Variants in NAV3 observed in about 807,000 individuals in gnomAD.
The protein encoded by NAV3 is pore membrane and/or filament interacting like protein 1.
Under a neutral mutation model 244.7 loss-of-function variants are expected in NAV3, and 87 were observed. The ratio of observed to expected loss-of-function variants is 0.36; its 90% CI spans 0.30 to 0.42. The LOEUF (loss-of-function observed/expected upper bound fraction) is 0.42, where lower values mean the gene tolerates loss of function less well. NAV3 is among the 20% of genes least tolerant of loss of function. NAV3 has a pLI of 1.00. For synonymous variants in NAV3, 1,126 were observed against 1,042.2 expected (o/e 1.08, Z -1.55); for missense variants, 2,663 against 2,893.3 (o/e 0.92, Z 1.83).
intron 9 of NAV3, among the ~76,000 whole-genome samples, chr12:78,046,548 A>T (rs867966795): frequency 6.6e-6 from 1 of 152,142 alleles, no homozygotes; most frequent in Non-Finnish European, 1.5e-5. Context: ...GTTTTAAGTC[A>T]GTTTCTTAAC....
intron 2 of NAV3, among the ~76,000 whole-genome samples, chr12:77,658,407 T>G (rs1191325934): frequency 6.7e-6 from 1 of 149,398 alleles, no homozygotes; most frequent in Non-Finnish European, 1.5e-5. Context: ...ACAAGGGACG[T>G]GAAGGACCTC....
intron 10 of NAV3, 60 bp from the exon 11 acceptor site, chr12:78,050,704 A>G (rs1308184080): frequency 6.6e-7 from 1 of 1,513,916 alleles, no homozygotes; most frequent in South Asian, 1.3e-5. Context: ...GTCTTCATGC[A>G]TTCTAGATTA....
chr12:77,960,367 A>G (rs1473640971), intron 3 of NAV3, among the ~76,000 whole-genome samples: 33 of 151,840 alleles, frequency 2.2e-4, no homozygotes. Flanking sequence ...TAAGTCATAC[A>G]TTTAGACTGG....
At chr12:78,196,000 T>G (rs1477979994) in intron 34 of NAV3, among the ~76,000 whole-genome samples, 3 of 152,052 alleles carry the variant, frequency 2.0e-5, no homozygotes, top group African/African-American at 7.2e-5. Flanking sequence ...CAGACTTCAC[T>G]ATTTTTGTAT....
chr12:77,782,252 C>T (rs918007709), intron 2 of NAV3, among the ~76,000 whole-genome samples: 1 of 151,332 alleles, frequency 6.6e-6, no homozygotes, highest in Non-Finnish European at 1.5e-5. Flanking sequence ...CCTCTCCCCG[C>T]CTCCAACTCC....
At chr12:77,677,060 A>G (rs1466903223) in intron 2 of NAV3, among the ~76,000 whole-genome samples, 3 of 152,228 alleles carry the variant, frequency 2.0e-5, no homozygotes, top group African/African-American at 4.8e-5. Context: ...ATCTACCAGT[A>G]GTGGGGATTG....
At chr12:77,790,920 C>G (rs78976857) in intron 2 of NAV3, among the ~76,000 whole-genome samples, 1,882 of 152,246 alleles carry the variant, frequency 0.012, 33 homozygotes, top group African/African-American at 0.043. Flanking sequence ...AAGGGCGTCC[C>G]TCTTACTACT....
intron 1 of NAV3, among the ~76,000 whole-genome samples, chr12:77,913,084 A>T (rs545699791): frequency 6.6e-4 from 100 of 152,150 alleles, no homozygotes; most frequent in Middle Eastern, 3.4e-3. Flanking sequence ...CATGAAAAAA[A>T]TGCATGGTGA....
intron 31 of NAV3, 38 bp downstream of exon 31, chr12:78,185,736 G>T (rs559578971): frequency 2.6e-6 from 4 of 1,525,648 alleles, no homozygotes; most frequent in South Asian, 2.3e-5. Flanking sequence ...TACTAACAAT[G>T]AGAATTACCA....
At chr12:77,689,816 C>T (rs1165838533) in intron 2 of NAV3, among the ~76,000 whole-genome samples, 1 of 151,714 alleles carries the variant, frequency 6.6e-6, no homozygotes, top group Non-Finnish European at 1.5e-5. Context: ...ATATTTAGTA[C>T]TACTAGAATT....
intron 12 of NAV3, among the ~76,000 whole-genome samples, chr12:78,111,210 T>A (rs1955076504): frequency 6.6e-6 from 1 of 152,106 alleles, no homozygotes. Context: ...ACAAAATCAC[T>A]ATGCACTATA....
chr12:77,659,437 G>A (rs960884398), intron 2 of NAV3, among the ~76,000 whole-genome samples: 2 of 152,118 alleles, frequency 1.3e-5, no homozygotes, highest in African/African-American at 4.8e-5. Flanking sequence ...TTAGAATGGT[G>A]ATCATTAAAA....
At chr12:78,151,454 A>G (rs1593804139) in intron 22 of NAV3, among the ~76,000 whole-genome samples, 1 of 152,050 alleles carries the variant, frequency 6.6e-6, no homozygotes, top group Non-Finnish European at 1.5e-5. Flanking sequence ...TCAGCAATAT[A>G]AAGAAATGAC....
chr12:77,867,404 TTTGTTGTTGTTG>T (rs61105303), intron 1 of NAV3, among the ~76,000 whole-genome samples: 1 of 151,588 alleles, frequency 6.6e-6, no homozygotes, highest in Non-Finnish European at 1.5e-5. Flanking sequence ...CAGGTATGTT[TTTGTTGTTGTTG>T]TTGTTGTTGT....
At chr12:78,112,671 G>A (rs1482930535) in intron 12 of NAV3, among the ~76,000 whole-genome samples, 1 of 152,024 alleles carries the variant, frequency 6.6e-6, no homozygotes, top group African/African-American at 2.4e-5. Context: ...CAACACATGG[G>A]GCTTATGGGA....
intron 1 of NAV3, among the ~76,000 whole-genome samples, chr12:77,856,671 A>G (rs576302165): frequency 1.1e-4 from 17 of 152,190 alleles, no homozygotes; most frequent in Non-Finnish European, 2.1e-4. Context: ...TTATTTTACA[A>G]TGGTTGTGAA....
intron 1 of NAV3, among the ~76,000 whole-genome samples, chr12:77,925,771 T>C (rs1032659393): frequency 6.6e-6 from 1 of 152,172 alleles, no homozygotes; most frequent in African/African-American, 2.4e-5. Flanking sequence ...AGAAAGCTGA[T>C]ACATAATTGT....
intron 2 of NAV3, among the ~76,000 whole-genome samples, chr12:77,808,829 A>C (rs1872127005): frequency 1.3e-5 from 2 of 152,186 alleles, no homozygotes; most frequent in African/African-American, 4.8e-5. Context: ...TTTATCTATA[A>C]GCTCCTGACT....
At chr12:77,741,688 G>A (rs560274107) in intron 2 of NAV3, among the ~76,000 whole-genome samples, 19 of 152,160 alleles carry the variant, frequency 1.2e-4, no homozygotes, top group Admixed American at 2.6e-4. Context: ...AAAGGGTGGC[G>A]CAATATAAAC....
Sources: gnomAD v4.1 joint callset for allele counts (sites outside exome capture counted in the v4.1 genomes callset) on GRCh38, gnomAD v4.1.1 for gene constraint, MANE v1.5 for transcripts, NCBI Gene and HGNC (gene_info 2026-07-23, HGNC 2026-07-21) for gene names.